KCNRG: variants seen among roughly 807,000 people sequenced by gnomAD.
KCNRG encodes potassium channel regulatory protein.
Under a neutral mutation model 17.7 loss-of-function variants are expected in KCNRG, and 17 were observed. The observed-to-expected ratio is 0.96, with a 90% CI of 0.66 to 1.44. The LOEUF (loss-of-function observed/expected upper bound fraction) is 1.44. Among genes scored for constraint, KCNRG ranks in the 40% most tolerant of loss-of-function variants. The probability of loss-of-function intolerance (pLI) is 0.00; values close to 1 mark genes in which losing one functional copy is unlikely to be tolerated. For synonymous variants in KCNRG, 97 were observed against 116.5 expected, an observed-to-expected ratio of 0.83 and a Z score of 1.08; for missense variants, 311 against 321.1, an observed-to-expected ratio of 0.97 and a Z score of 0.24.
At chr13:50,018,738 C>A (rs2066552) in intron 1 of KCNRG, 26,681 of 152,474 alleles carry the variant, frequency 0.17, 2,665 homozygotes, top group African/African-American at 0.26. Flanking sequence ...CAGATAAGGA[C>A]GGAGTCATAA....
At chr13:50,017,568 A>G (rs757792566) in intron 1 of KCNRG, 5 of 167,022 alleles carry the variant, frequency 3.0e-5, no homozygotes, top group Non-Finnish European at 7.3e-5. Context: ...TTTTAAAATT[A>G]GCATTTTCTT....
chr13:50,020,124 C>G (rs1028042818), intron 1 of KCNRG, 90 bp from the exon 2 acceptor site: 13 of 1,187,358 alleles, frequency 1.1e-5, no homozygotes, highest in Non-Finnish European at 1.1e-5. Context: ...AGGTATGATG[C>G]CTTTGAGGTT....
In KCNRG at chr13:50,020,453, G is replaced by A. The variant is rs144804371; in HGVS notation, c.818G>A (p.Ter273=). ...IIPEQSQIKK[*] is the part of the protein sequence containing the mutation. ...CCAGAGCAATCTCAGATAAAGAAAT[G>A]AAGTTGTCTATCCTCTTTTAAAGAG... The change falls in exon 2 of 2, where the codon TGA becomes TAA. Residue 273 remains the stop codon, a stop_retained_variant. Coordinates refer to ENST00000312942, the MANE Select transcript of KCNRG (RefSeq NM_173605.2). 1.3e-4 allele frequency: 205 copies of A among 1,612,146 alleles called. No individual in the cohort carries two copies. Among genetic ancestry groups the A allele is most frequent in the Admixed American group, 8.2e-4 (49 of 59,462 alleles).
rs771452564 is a variant in KCNRG at position 50,015,650 on chromosome 13, A to G, written c.157A>G (p.Arg53Gly). The change falls in exon 1 of 2, where the codon AGA (arginine) becomes GGA (glycine). Residue 53 changes from arginine (R) to glycine (G), a missense_variant. By Grantham distance (125) the Arg-to-Gly change is moderately radical. Coordinates refer to ENST00000312942, the MANE Select transcript of KCNRG (RefSeq NM_173605.2). Reference protein sequence around the residue: ...KMVGGQIFVDRDGDLFSFILD... With the variant: ...KMVGGQIFVDGDGDLFSFILD... ...GGTTGGTGGCCAGATTTTTGTAGAC[A>G]GAGATGGTGATTTGTTTAGTTTCAT... 2.5e-6 allele frequency: 4 copies of G among 1,614,064 alleles called. No homozygotes were observed. In the East Asian group the frequency reaches 8.9e-5, roughly 36 times the overall value.
rs746006728 is a variant in KCNRG at position 50,020,207 on chromosome 13, GTC to G, written c.579-6_579-5del. On this transcript the variant is annotated splice_region_variant and splice_polypyrimidine_tract_variant and intron_variant, in intron 1 of 1. Coordinates refer to ENST00000312942, the MANE Select transcript of KCNRG (RefSeq NM_173605.2). ...TTTATAATTAAGCTTCTTTTTGTGT[GTC>G]CTAGGTATGTTTCTATAAAACCTGA... 9 of 1,613,432 alleles carry G rather than the reference GTC, an allele frequency of 5.6e-6. No homozygotes were observed. Among genetic ancestry groups the G allele is most frequent in the Middle Eastern group, 1.7e-4 (1 of 6,042 alleles).
At chr13:50,017,250 GA>G (rs1408465772) in intron 1 of KCNRG, 32 of 167,070 alleles carry the variant, frequency 1.9e-4, no homozygotes, top group African/African-American at 7.7e-4. Context: ...CCTCTTTGGG[GA>G]TCATGCTTCA....
chr13:50,017,239 AC>A (rs1427321694), intron 1 of KCNRG: 1 of 167,032 alleles, frequency 6.0e-6, no homozygotes, highest in African/African-American at 2.4e-5. Context: ...AGTGATTATG[AC>A]CTCTTTGGGG....
chr13:50,018,048 T>C (rs1039309668), intron 1 of KCNRG: 1 of 167,048 alleles, frequency 6.0e-6, no homozygotes, highest in Non-Finnish European at 1.5e-5. Context: ...CAAATTATAG[T>C]TGGTCACAGG....
intron 1 of KCNRG, chr13:50,018,842 A>G: frequency 6.2e-6 from 1 of 161,576 alleles, no homozygotes; most frequent in Non-Finnish European, 1.4e-5. Flanking sequence ...CAATGGCGTG[A>G]TCTCGGCTCA....
chr13:50,020,546 T>C lies in KCNRG; in HGVS notation c.*92T>C. ...ATGTTAGCCAAATCTACACTCAGCC[T>C]AACTCTTGGCTTCATCTGCTGCCAT... is the stretch of plus-strand genomic sequence containing the variant. On this transcript the variant is annotated 3_prime_UTR_variant, in exon 2 of 2. Coordinates refer to ENST00000312942, the MANE Select transcript of KCNRG (RefSeq NM_173605.2). 5 of 1,363,782 alleles carry C rather than the reference T, an allele frequency of 3.7e-6. No individual in the cohort carries two copies. The highest frequency in any genetic ancestry group is 5.1e-6 in the Non-Finnish European group (5 of 988,882). 84.5% of individuals were successfully genotyped at this position (1,363,782 alleles called of 1,614,324 possible). A position where few individuals can be genotyped will look rare whatever the true frequency, so the allele number is the denominator to read the frequency against.
Position 50,015,921 on chromosome 13 carries a change from T to C in KCNRG, c.428T>C (p.Phe143Ser). The change falls in exon 1 of 2, where the codon TTT becomes TCT. Residue 143 changes from phenylalanine to serine, a missense_variant. Transcript: ENST00000312942. ...ATGCTAACAGGGAGGATTACAGTGT[T>C]TACAGAACAACCTTCAGCGCCGACC... ...IEMLTGRITV[F>S]TEQPSAPTWN... 6.2e-7 allele frequency: 1 copy of C among 1,614,092 alleles called. No homozygotes were observed. Among genetic ancestry groups the C allele is most frequent in the Non-Finnish European group, 8.5e-7 (1 of 1,179,996 alleles).
intron 1 of KCNRG, among the ~76,000 whole-genome samples, chr13:50,019,326 C>A (rs899513234): frequency 1.3e-5 from 2 of 152,058 alleles, no homozygotes; most frequent in Non-Finnish European, 2.9e-5. Flanking sequence ...TTTCCACTCT[C>A]CAGAGGCTTT....
Position 50,020,347 on chromosome 13 carries a change from G to A in KCNRG, c.712G>A (p.Glu238Lys), listed in dbSNP as rs756893558. 3 of 1,614,068 alleles carry A rather than the reference G, an allele frequency of 1.9e-6. No individual in the cohort carries two copies. In the South Asian group the frequency reaches 3.3e-5, roughly 18 times the overall value. The change falls in exon 2 of 2, where the codon GAA becomes AAA. Residue 238 changes from glutamate to lysine, a missense_variant. By Grantham distance (56) the Glu-to-Lys change is moderately conservative. Coordinates refer to ENST00000312942, the MANE Select transcript of KCNRG (RefSeq NM_173605.2). ...TRTVSSEDKT[E>K]CYSFERIKSP... ...AACAGTATCTTCTGAAGACAAAACT[G>A]AATGCTATAGCTTTGAAAGGATAAA...
chr13:50,016,016 G>A lies in KCNRG; in HGVS notation c.523G>A (p.Asp175Asn), dbSNP rs1352177645. 2 of 1,613,964 alleles carry A rather than the reference G, an allele frequency of 1.2e-6. No homozygotes were observed. Among genetic ancestry groups the A allele is most frequent in the African/African-American group, 2.7e-5 (2 of 74,928 alleles). ...PLPPQRPSYH[D>N]LVFQCGSDST... is the part of the protein sequence containing the mutation. ...GCCTCCACAAAGACCTTCTTACCAT[G>A]ACCTGGTTTTCCAGTGTGGTTCTGA... The change falls in exon 1 of 2, where the codon GAC becomes AAC. Residue 175 changes from aspartate to asparagine, a missense_variant. Coordinates refer to ENST00000312942, the MANE Select transcript of KCNRG (RefSeq NM_173605.2).
rs1247962247 is a variant in KCNRG, at chr13:50,015,592, C to T, written c.99C>T (p.Arg33=). The change falls in exon 1 of 2, where the codon CGC becomes CGT. Residue 33 remains arginine, a synonymous_variant. Transcript: ENST00000312942. Reference sequence around the variant, plus strand: ...AGTTTCCTGCTTCTCGTTTGGCACGCATGTTAGATGGCAGAGACCAAGAAT... The same window carrying T: ...AGTTTCCTGCTTCTCGTTTGGCACGTATGTTAGATGGCAGAGACCAAGAAT... ...IKQFPASRLA[R]MLDGRDQEFK... is the part of the protein sequence containing the mutation. 4 of 1,613,946 alleles carry T rather than the reference C, an allele frequency of 2.5e-6. No individual in the cohort carries two copies. The highest frequency in any genetic ancestry group is 3.4e-6 in the Non-Finnish European group (4 of 1,179,954).
At chr13:50,017,139 C>T (rs1876706047) in intron 1 of KCNRG, 1 of 166,874 alleles carries the variant, frequency 6.0e-6, no homozygotes, top group African/African-American at 2.4e-5. Flanking sequence ...AATCTAATAC[C>T]TTATCTTTAT....
chr13:50,020,519 A>T lies in KCNRG; in HGVS notation c.*65A>T. Reference sequence around the variant, plus strand: ...TTGTTTCATTACGTATTTAGGGCATACATGTTAGCCAAATCTACACTCAGC... The same window carrying T: ...TTGTTTCATTACGTATTTAGGGCATTCATGTTAGCCAAATCTACACTCAGC... On this transcript the variant is annotated 3_prime_UTR_variant, in exon 2 of 2. Transcript: ENST00000312942. The T allele has an allele frequency of 6.6e-7, 1 of 1,525,074 alleles. No individual in the cohort carries two copies. Among genetic ancestry groups the T allele is most frequent in the Non-Finnish European group, 8.9e-7 (1 of 1,118,432 alleles). The allele number at this position is 1,525,074 out of a possible 1,614,324, so 94.5% of individuals were successfully genotyped here. A position where few individuals can be genotyped will look rare whatever the true frequency, so the allele number is the denominator to read the frequency against.
chr13:50,019,992 C>T (rs1197831884), intron 1 of KCNRG, among the ~76,000 whole-genome samples: 6 of 150,606 alleles, frequency 4.0e-5, no homozygotes, highest in Non-Finnish European at 8.9e-5. Flanking sequence ...GAGCCAAGAT[C>T]ACACCACTAC....
At position 50,015,939 on chromosome 13, in the gene KCNRG, C is replaced by A. The variant is rs142559163; in HGVS notation, c.446C>A (p.Ala149Glu). Residue 149 changes from alanine to glutamate, a missense_variant, in exon 1 of 2, where the codon GCG becomes GAG. Ala to Glu is a moderately radical substitution (Grantham distance 107). Transcript: ENST00000312942. ...ACAGTGTTTACAGAACAACCTTCAG[C>A]GCCGACCTGGAATGGTAACTTTTTC... ...RITVFTEQPS[A>E]PTWNGNFFPP... The A allele has an allele frequency of 1.9e-6, 3 of 1,613,916 alleles. No individual in the cohort carries two copies. The highest frequency in any genetic ancestry group is 2.7e-5 in the African/African-American group (2 of 74,884).
Sources: allele counts gnomAD v4.1 joint callset (sites outside exome capture counted in the v4.1 genomes callset), GRCh38; gene constraint gnomAD v4.1.1; transcripts MANE v1.5; gene names NCBI Gene and HGNC (gene_info 2026-07-23, HGNC 2026-07-21).